The following DLG2 variants were observed in gnomAD, a reference collection of about 807,000 sequenced individuals.
DLG2 encodes the protein disks large homolog 2.
Under a neutral mutation model 132.5 loss-of-function variants are expected in DLG2, and 45 were observed. The observed-to-expected ratio is 0.34, with a 90% confidence interval of 0.27 to 0.44. The LOEUF (loss-of-function observed/expected upper bound fraction) is 0.44, where lower values mean the gene tolerates loss of function less well. DLG2 is among the 20% of genes least tolerant of loss of function. The probability of loss-of-function intolerance (pLI) is 1.00; values close to 1 mark genes in which losing one functional copy is unlikely to be tolerated. For missense variants in DLG2, 1,045 were observed against 1,196.9 expected (o/e 0.87, Z 1.87); for synonymous variants, 424 against 419.6 (o/e 1.01, Z -0.13).
intron 3 of DLG2, among the ~76,000 whole-genome samples, chr11:85,531,271 C>G (rs2075191148): frequency 6.6e-6 from 1 of 152,144 alleles, no homozygotes; most frequent in Admixed American, 6.5e-5. Context: ...GTTGGAGAGG[C>G]TCTTTCAAGT....
At chr11:85,504,652 A>G (rs1182724549) in intron 3 of DLG2, among the ~76,000 whole-genome samples, 1 of 152,030 alleles carries the variant, frequency 6.6e-6, no homozygotes, top group Non-Finnish European at 1.5e-5. Flanking sequence ...AGCGTGGTGC[A>G]TCCAGCTTTG....
At chr11:84,041,879 A>C (rs552856718) in intron 11 of DLG2, among the ~76,000 whole-genome samples, 27 of 151,814 alleles carry the variant, frequency 1.8e-4, no homozygotes, top group African/African-American at 6.0e-4. Context: ...CTTTCCTGTG[A>C]TGTTCTTGTG....
chr11:83,532,021 A>G (rs1427215561), intron 21 of DLG2, among the ~76,000 whole-genome samples: 2 of 152,038 alleles, frequency 1.3e-5, no homozygotes, highest in Non-Finnish European at 2.9e-5. Context: ...GTGACTGTCA[A>G]TGCATATAGG....
intron 18 of DLG2, among the ~76,000 whole-genome samples, chr11:83,683,517 AG>A (rs1157871256): frequency 5.9e-5 from 9 of 152,222 alleles, no homozygotes; most frequent in African/African-American, 2.2e-4. Context: ...GGCCTTTAGT[AG>A]AAAGGATAAA....
intron 2 of DLG2, among the ~76,000 whole-genome samples, chr11:85,610,877 G>A (rs956982542): frequency 9.9e-5 from 15 of 152,150 alleles, no homozygotes; most frequent in African/African-American, 3.4e-4. Context: ...TTGGAATCAC[G>A]GGCTTTTGCC....
In DLG2 at chr11:84,098,979, G is replaced by A. The variant is rs755626646; in HGVS notation, c.693C>T (p.Gly231=). Residue 231 remains glycine, a synonymous_variant, in exon 10 of 28, where the codon GGC becomes GGT. Coordinates refer to ENST00000376104, the MANE Select transcript of DLG2 (RefSeq NM_001142699.3). ...TDNPHIGDDP[G]IFITKIIPGG... ...CTGGTATAATCTTCGTAATAAATATGCCAGGGTCATCTCCAATGTGGGGAT... is the reference window on the plus strand; with the variant it reads ...CTGGTATAATCTTCGTAATAAATATACCAGGGTCATCTCCAATGTGGGGAT... 6.2e-7 allele frequency: 1 copy of A among 1,613,290 alleles called. No individual in the cohort carries two copies. The highest frequency in any genetic ancestry group is 8.5e-7 in the Non-Finnish European group (1 of 1,179,462).
intron 4 of DLG2, among the ~76,000 whole-genome samples, chr11:85,238,210 TTTA>T (rs1411699149): frequency 0.025 from 192 of 7,580 alleles, 1 homozygote; most frequent in Middle Eastern, 0.17. Flanking sequence ...TTTTATTTTA[TTTA>T]TTTATTTATT....
intron 8 of DLG2, among the ~76,000 whole-genome samples, chr11:84,235,607 C>T (rs2097148238): frequency 6.6e-6 from 1 of 152,140 alleles, no homozygotes; most frequent in African/African-American, 2.4e-5. Flanking sequence ...CGCAAATTTC[C>T]TGTCAACCAC....
chr11:85,184,413 G>A (rs1196342873), intron 4 of DLG2, among the ~76,000 whole-genome samples: 4 of 149,420 alleles, frequency 2.7e-5, no homozygotes, highest in Non-Finnish European at 5.9e-5. Flanking sequence ...GGTTTCATTC[G>A]TTGCAATAAA....
At chr11:85,612,318 C>T (rs560759557) in intron 2 of DLG2, among the ~76,000 whole-genome samples, 27 of 152,312 alleles carry the variant, frequency 1.8e-4, no homozygotes, top group African/African-American at 5.1e-4. Context: ...AATTATCATA[C>T]GAAGGTCTGA....
intron 19 of DLG2, among the ~76,000 whole-genome samples, chr11:83,571,043 C>G (rs968175993): frequency 1.3e-5 from 2 of 151,950 alleles, no homozygotes; most frequent in Admixed American, 1.3e-4. Context: ...CCACCACGCC[C>G]GGCTAATTTT....
At chr11:84,358,575 T>C (rs2098631585) in intron 7 of DLG2, among the ~76,000 whole-genome samples, 1 of 151,744 alleles carries the variant, frequency 6.6e-6, no homozygotes, top group African/African-American at 2.4e-5. Flanking sequence ...CTAGGTTATT[T>C]GGAAAAATAA....
At chr11:85,013,990 T>C (rs626700) in intron 6 of DLG2, among the ~76,000 whole-genome samples, 103,149 of 152,066 alleles carry the variant, frequency 0.68, 35,794 homozygotes, top group East Asian at 0.93. Context: ...GTTAGCACTT[T>C]ATTACTAAAT....
intron 7 of DLG2, among the ~76,000 whole-genome samples, chr11:84,508,663 G>T (rs1282162774): frequency 6.6e-6 from 1 of 152,114 alleles, no homozygotes; most frequent in Non-Finnish European, 1.5e-5. Context: ...GCCTCCCAAA[G>T]TGCTGGGATT....
chr11:84,865,090 AC>A (rs1202679323), intron 6 of DLG2, among the ~76,000 whole-genome samples: 3 of 152,200 alleles, frequency 2.0e-5, no homozygotes, highest in Non-Finnish European at 4.4e-5. Flanking sequence ...TCTATTCATA[AC>A]AAATATATAA....
At chr11:84,625,957 T>C (rs2099621825) in intron 6 of DLG2, among the ~76,000 whole-genome samples, 1 of 152,228 alleles carries the variant, frequency 6.6e-6, no homozygotes, top group South Asian at 2.1e-4. Flanking sequence ...AATTAACAAT[T>C]AGGTGCCAAG....
chr11:84,706,199 C>T (rs577583901), intron 6 of DLG2, among the ~76,000 whole-genome samples: 12 of 151,862 alleles, frequency 7.9e-5, no homozygotes, highest in Admixed American at 1.3e-4. Flanking sequence ...AAGATCAATA[C>T]TGTATTTGCT....
chr11:83,921,779 CACAA>C (rs1275181326), intron 15 of DLG2, among the ~76,000 whole-genome samples: 1 of 152,146 alleles, frequency 6.6e-6, no homozygotes, highest in Non-Finnish European at 1.5e-5. Context: ...GCTCCCAAAA[CACAA>C]ACAGACATAC....
intron 3 of DLG2, among the ~76,000 whole-genome samples, chr11:85,403,043 G>C (rs182887955): frequency 2.0e-5 from 3 of 152,046 alleles, no homozygotes. Flanking sequence ...ACATGTACAC[G>C]TATGTTTATT....
Sources: gnomAD v4.1 joint callset for allele counts (sites outside exome capture counted in the v4.1 genomes callset) on GRCh38, gnomAD v4.1.1 for gene constraint, MANE v1.5 for transcripts, NCBI Gene and HGNC (gene_info 2026-07-23, HGNC 2026-07-21) for gene names.